Variants in ARHGAP26 observed in about 807,000 individuals in gnomAD.
ARHGAP26 encodes the protein Rho GTPase activating protein 26.
Under a neutral mutation model 104.8 loss-of-function variants are expected in ARHGAP26, and 38 were observed. That is an observed-to-expected ratio of 0.36 (90% CI 0.28 to 0.48). The LOEUF (loss-of-function observed/expected upper bound fraction) is 0.48, where lower values mean the gene tolerates loss of function less well. Among genes scored for constraint, ARHGAP26 ranks in the 20% least tolerant of loss-of-function variants. The pLI is 0.99. For missense variants in ARHGAP26, 704 were observed against 947.9 expected (o/e 0.74, Z 3.38); for synonymous variants, 341 against 340.0 (o/e 1.00, Z -0.03).
At chr5:142,942,855 A>C (rs1219386553) in intron 11 of ARHGAP26, among the ~76,000 whole-genome samples, 1 of 152,192 alleles carries the variant, frequency 6.6e-6, no homozygotes, top group Non-Finnish European at 1.5e-5. Context: ...ATCTCAGCTC[A>C]CTACAACCTC....
At chr5:143,109,051 G>A (rs548844634) in intron 17 of ARHGAP26, among the ~76,000 whole-genome samples, 1 of 152,308 alleles carries the variant, frequency 6.6e-6, no homozygotes, top group South Asian at 2.1e-4. Context: ...GAAGACTGCT[G>A]TTTATTTTAA....
intron 17 of ARHGAP26, among the ~76,000 whole-genome samples, chr5:143,084,085 G>A (rs1365409331): frequency 1.3e-5 from 2 of 152,186 alleles, no homozygotes; most frequent in Non-Finnish European, 2.9e-5. Context: ...TGCATTCAAA[G>A]TGTGGTCAAA....
intron 21 of ARHGAP26, 56 bp downstream of exon 21, chr5:143,207,364 C>T (rs762565787): frequency 2.2e-5 from 35 of 1,614,028 alleles, no homozygotes; most frequent in Admixed American, 5.0e-5. Flanking sequence ...CTCATTGGCT[C>T]GGTCCTCTCT....
intron 3 of ARHGAP26, among the ~76,000 whole-genome samples, 199 bp from the exon 4 acceptor site, chr5:142,879,175 G>A (rs775952334): frequency 3.3e-5 from 5 of 152,164 alleles, no homozygotes; most frequent in African/African-American, 9.7e-5. Flanking sequence ...ATGGGAGGAA[G>A]ATTATCATGT....
intron 1 of ARHGAP26, among the ~76,000 whole-genome samples, chr5:142,844,755 G>A (rs557465582): frequency 1.1e-4 from 16 of 151,564 alleles, no homozygotes; most frequent in Non-Finnish European, 1.8e-4. Flanking sequence ...CTTGGGAGGC[G>A]GAGGCAAGAG....
At chr5:142,981,319 T>C (rs996192976) in intron 11 of ARHGAP26, among the ~76,000 whole-genome samples, 4 of 152,226 alleles carry the variant, frequency 2.6e-5, no homozygotes, top group African/African-American at 9.6e-5. Context: ...ACCAGTGTGC[T>C]GGGAGGATTC....
rs1218508902 is a variant in ARHGAP26, at chr5:143,223,070, G to T, written c.*624G>T. 9 of 233,322 alleles carry T rather than the reference G, an allele frequency of 3.9e-5. No individual in the cohort carries two copies. The highest frequency in any genetic ancestry group is 1.1e-4 in the Admixed American group (2 of 17,768). 14.5% of individuals were successfully genotyped at this position (233,322 alleles called of 1,614,324 possible). ...GTGAGATACAATCCAGTCTTCTCAT[G>T]CACGGGAACACACACACCCTGCGTT... On this transcript the variant is annotated 3_prime_UTR_variant, in exon 23 of 23. Transcript: ENST00000645722.
chr5:142,788,508 G>C (rs1759120975), intron 1 of ARHGAP26, among the ~76,000 whole-genome samples: 1 of 152,188 alleles, frequency 6.6e-6, no homozygotes, highest in Non-Finnish European at 1.5e-5. Context: ...ATCTGTATCT[G>C]TGGGTTCCTC....
intron 1 of ARHGAP26, among the ~76,000 whole-genome samples, chr5:142,858,094 T>TGTGTGTGTGTGAGA (rs1424264346): frequency 1.6e-5 from 2 of 127,172 alleles, no homozygotes; most frequent in East Asian, 2.3e-4. Context: ...TGTGTGTGTG[T>TGTGTGTGTGTGAGA]GAGAGAGAGA....
At chr5:143,099,479 G>A (rs1221464853) in intron 17 of ARHGAP26, among the ~76,000 whole-genome samples, 2 of 152,174 alleles carry the variant, frequency 1.3e-5, no homozygotes, top group Non-Finnish European at 2.9e-5. Context: ...ATCATTGAAA[G>A]GATGGACGAG....
At chr5:142,829,032 GA>G (rs1450501091) in intron 1 of ARHGAP26, among the ~76,000 whole-genome samples, 1 of 152,222 alleles carries the variant, frequency 6.6e-6, no homozygotes, top group Non-Finnish European at 1.5e-5. Flanking sequence ...GTGTTCAAAA[GA>G]AAGGCACAGC....
chr5:143,216,103 G>A (rs990584958), intron 22 of ARHGAP26: 2 of 453,294 alleles, frequency 4.4e-6, no homozygotes, highest in South Asian at 1.6e-5. Flanking sequence ...TCTTTCTGCA[G>A]TAGCTTAAAT....
intron 11 of ARHGAP26, among the ~76,000 whole-genome samples, chr5:143,013,001 C>T (rs938585640): frequency 4.6e-5 from 7 of 151,968 alleles, no homozygotes; most frequent in African/African-American, 1.5e-4. Flanking sequence ...TTAATTATGA[C>T]AGCATATCAG....
chr5:142,886,705 T>C (rs1757755280), intron 5 of ARHGAP26, among the ~76,000 whole-genome samples: 1 of 152,088 alleles, frequency 6.6e-6, no homozygotes. Context: ...CAAATGTGAT[T>C]GAAAAACCTA....
chr5:142,963,198 A>ATATATGTGTG (rs869247749), intron 11 of ARHGAP26, among the ~76,000 whole-genome samples: 1 of 98,354 alleles, frequency 1.0e-5, no homozygotes, highest in Non-Finnish European at 1.8e-5. Flanking sequence ...ATATATATAT[A>ATATATGTGTG]TGTGTGTGTG....
At chr5:143,096,697 T>A (rs936793101) in intron 17 of ARHGAP26, among the ~76,000 whole-genome samples, 2 of 151,718 alleles carry the variant, frequency 1.3e-5, no homozygotes, top group African/African-American at 2.4e-5. Context: ...TTTTTTTTTT[T>A]AATCTGTGAG....
rs537139386 is a variant in ARHGAP26, at chr5:142,963,715, C to G, written c.1107+31590C>G. ...TATAAAATTAGCACTTTCCCTCTTC[C>G]CAACCTCTAGAACCTTCTATCAAAT... On this transcript the variant is annotated intron_variant, in intron 11 of 22. Transcript: ENST00000645722. 1.2e-3 allele frequency among the ~76,000 whole-genome samples: 186 copies of G among 152,232 alleles called. 4 individuals carry two copies. Among genetic ancestry groups the G allele is most frequent in the Non-Finnish European group, 1.2e-4 (8 of 68,004 alleles).
chr5:143,155,886 G>T (rs1031988039), intron 20 of ARHGAP26, among the ~76,000 whole-genome samples: 1 of 152,110 alleles, frequency 6.6e-6, no homozygotes, highest in Non-Finnish European at 1.5e-5. Flanking sequence ...TTAAAGCTTT[G>T]GAGTTTAATT....
chr5:143,053,152 G>A (rs1420972515), intron 14 of ARHGAP26, among the ~76,000 whole-genome samples: 1 of 152,156 alleles, frequency 6.6e-6, no homozygotes, highest in Non-Finnish European at 1.5e-5. Context: ...CCTAGTGCAA[G>A]CCCAGCAAAC....
Sources: gnomAD v4.1 joint callset for allele counts (sites outside exome capture counted in the v4.1 genomes callset) on GRCh38, gnomAD v4.1.1 for gene constraint, MANE v1.5 for transcripts, NCBI Gene and HGNC (gene_info 2026-07-23, HGNC 2026-07-21) for gene names.